SOX5: variants seen among roughly 807,000 people sequenced by gnomAD.
SOX5 encodes the protein SRY-box transcription factor 5.
SOX5 carries 9 observed loss-of-function variants against 92.0 expected under a neutral mutation model. The ratio of observed to expected loss-of-function variants is 0.10; its 90% confidence interval spans 0.06 to 0.17. SOX5 has a LOEUF of 0.17. SOX5 is among the 10% of genes least tolerant of loss of function. The pLI, the probability that SOX5 is intolerant of heterozygous loss-of-function variation, is 1.00. For synonymous variants in SOX5, 344 were observed against 336.3 expected (o/e 1.02, Z -0.25); for missense variants, 642 against 944.5 (o/e 0.68, Z 4.20).
Position 24,484,243 on chromosome 12 carries a change from T to C in SOX5, c.-251+78086A>G, listed in dbSNP as rs538616884. Among the ~76,000 whole-genome samples the C allele has an allele frequency of 3.3e-5, 5 of 152,288 alleles. No homozygotes were observed. In the East Asian group the frequency reaches 9.6e-4, roughly 29 times the overall value. ...TAATCTTGTTACTTGTCTCTGATTG[T>C]TTCCATTTGGTTTACTAGGAAGGCA... On this transcript the variant is annotated intron_variant, in intron 1 of 4. Coordinates refer to the SOX5 transcript ENST00000446891.
At chr12:24,142,677 C>T (rs553621539) in intron 4 of SOX5, among the ~76,000 whole-genome samples, 1 of 151,968 alleles carries the variant, frequency 6.6e-6, no homozygotes, top group South Asian at 2.1e-4. Context: ...CACTTATCCC[C>T]AAGAACCAGA....
At chr12:23,802,057 C>G (rs968720836) in intron 3 of SOX5, among the ~76,000 whole-genome samples, 3 of 151,798 alleles carry the variant, frequency 2.0e-5, no homozygotes, top group African/African-American at 7.3e-5. Flanking sequence ...ACATTTAATT[C>G]TTTTCTTTTT....
At chr12:24,080,958 C>T (rs547114870) in intron 4 of SOX5, among the ~76,000 whole-genome samples, 4 of 151,968 alleles carry the variant, frequency 2.6e-5, no homozygotes, top group Non-Finnish European at 5.9e-5. Context: ...ATTCCATGTA[C>T]TTGCACTTAT....
chr12:24,545,762 C>A (rs910213806), intron 1 of SOX5, among the ~76,000 whole-genome samples: 2 of 151,188 alleles, frequency 1.3e-5, no homozygotes, highest in Non-Finnish European at 3.0e-5. Flanking sequence ...CCAGTTCAGT[C>A]CCTTTCCAAG....
At chr12:23,931,333 G>A (rs763857136) in intron 1 of SOX5, among the ~76,000 whole-genome samples, 25 of 151,718 alleles carry the variant, frequency 1.6e-4, no homozygotes, top group Admixed American at 2.6e-4. Flanking sequence ...TTTTACATAT[G>A]AGGAAGATGG....
At chr12:24,551,187 C>T (rs553777977) in intron 1 of SOX5, among the ~76,000 whole-genome samples, 51 of 152,306 alleles carry the variant, frequency 3.3e-4, no homozygotes, top group Non-Finnish European at 6.0e-4. Flanking sequence ...TTCCCATCTC[C>T]CCCCAGCCCC....
intron 2 of SOX5, among the ~76,000 whole-genome samples, chr12:24,308,604 T>A (rs983863923): frequency 6.6e-6 from 1 of 152,208 alleles, no homozygotes; most frequent in Non-Finnish European, 1.5e-5. Context: ...ACTACTAGAC[T>A]GATGTCCTAT....
intron 6 of SOX5, among the ~76,000 whole-genome samples, chr12:23,729,573 A>T (rs1161177620): frequency 1.3e-5 from 2 of 152,140 alleles, no homozygotes; most frequent in Admixed American, 6.6e-5. Context: ...GCACATGCTT[A>T]ACTTATGAAT....
At chr12:24,160,364 A>C (rs897644730) in intron 4 of SOX5, among the ~76,000 whole-genome samples, 4 of 152,172 alleles carry the variant, frequency 2.6e-5, no homozygotes, top group African/African-American at 9.6e-5. Context: ...CTAAAAGAAG[A>C]ATGGCCTAGT....
At chr12:23,969,749 T>A (rs1436931603) in intron 4 of SOX5, among the ~76,000 whole-genome samples, 1 of 152,224 alleles carries the variant, frequency 6.6e-6, no homozygotes, top group Non-Finnish European at 1.5e-5. Flanking sequence ...GGGTGAAAAG[T>A]GATAGCTTTA....
At chr12:24,225,987 T>C (rs1226561211) in intron 3 of SOX5, among the ~76,000 whole-genome samples, 1 of 152,336 alleles carries the variant, frequency 6.6e-6, no homozygotes, top group East Asian at 1.9e-4. Flanking sequence ...CAGTAATATG[T>C]ACAAGTCAGT....
rs2095185723 is a variant in SOX5, at chr12:23,778,730, C to T, written c.482-23006G>A. ...TGTGCCAATGATCTTGTGTTGCAGGCCCTTTTACCTAGAGCTCTGGATACT... is the reference window on the plus strand; with the variant it reads ...TGTGCCAATGATCTTGTGTTGCAGGTCCTTTTACCTAGAGCTCTGGATACT... On this transcript the variant is annotated intron_variant, in intron 3 of 14. Coordinates refer to ENST00000451604, the MANE Select transcript of SOX5 (RefSeq NM_006940.6). 3.3e-5 allele frequency among the ~76,000 whole-genome samples: 5 copies of T among 152,092 alleles called. 1 individual carries two copies. The South Asian group carries it at 1.0e-3, about 32-fold the overall frequency.
chr12:24,516,698 C>T (rs1256921881), intron 1 of SOX5, among the ~76,000 whole-genome samples: 1 of 152,160 alleles, frequency 6.6e-6, no homozygotes, highest in African/African-American at 2.4e-5. Context: ...GTCTGAGTTA[C>T]AATTTTAGAG....
chr12:23,595,750 C>T (rs141347454), intron 9 of SOX5, among the ~76,000 whole-genome samples: 25 of 151,430 alleles, frequency 1.7e-4, no homozygotes, highest in African/African-American at 5.6e-4. Context: ...TGGAAAGATG[C>T]TTTCAGTTCT....
chr12:24,341,310 C>G (rs1478659321), intron 2 of SOX5, among the ~76,000 whole-genome samples: 3 of 152,066 alleles, frequency 2.0e-5, no homozygotes, highest in Non-Finnish European at 2.9e-5. Flanking sequence ...GACCCTGTCT[C>G]TATAAAAACA....
chr12:23,891,159 T>C (rs750525134), intron 2 of SOX5, among the ~76,000 whole-genome samples: 2 of 152,166 alleles, frequency 1.3e-5, no homozygotes, highest in Non-Finnish European at 2.9e-5. Context: ...GAACACTGAG[T>C]GAAATATTCC....
At chr12:24,342,971 T>A (rs1320928748) in intron 2 of SOX5, among the ~76,000 whole-genome samples, 2 of 152,254 alleles carry the variant, frequency 1.3e-5, no homozygotes, top group Non-Finnish European at 2.9e-5. Flanking sequence ...CGCTAAATAC[T>A]TACTCAACAT....
chr12:23,577,481 G>A (rs564825875), intron 9 of SOX5, among the ~76,000 whole-genome samples: 1 of 152,082 alleles, frequency 6.6e-6, no homozygotes, highest in African/African-American at 2.4e-5. Context: ...TTACAGGCAT[G>A]AGCCATGGCG....
chr12:24,038,752 T>C (rs16927038), intron 4 of SOX5, among the ~76,000 whole-genome samples: 1,756 of 152,278 alleles, frequency 0.012, 44 homozygotes, highest in African/African-American at 0.04. Context: ...TCCTGAGTAG[T>C]ATGTGGTAGA....
Sources: gnomAD v4.1 joint callset for allele counts (sites outside exome capture counted in the v4.1 genomes callset) on GRCh38, gnomAD v4.1.1 for gene constraint, MANE v1.5 for transcripts, NCBI Gene and HGNC (gene_info 2026-07-23, HGNC 2026-07-21) for gene names.